The following FAM169A variants were observed in gnomAD, a reference collection of about 807,000 sequenced individuals.
FAM169A encodes soluble lamin-associated protein of 75 kDa.
In FAM169A, 24 loss-of-function variants were observed where a neutral mutation model predicts 75.7. That is an observed-to-expected ratio of 0.32 (90% confidence interval 0.23 to 0.45). The LOEUF is 0.45. Ranked by LOEUF, FAM169A falls within the 20% of genes least tolerant of loss-of-function variation. The pLI is 1.00. For synonymous variants in FAM169A, 271 were observed against 271.0 expected, an observed-to-expected ratio of 1.00 and a Z score of 0.00; for missense variants, 673 against 784.0, an observed-to-expected ratio of 0.86 and a Z score of 1.69.
chr5:74,846,809 C>T (rs768352631), intron 1 of FAM169A, among the ~76,000 whole-genome samples: 1 of 152,096 alleles, frequency 6.6e-6, no homozygotes, highest in African/African-American at 2.4e-5. Flanking sequence ...GCAATCCTTC[C>T]GTCTCAGCCT....
chr5:74,809,312 C>T (rs1342254764), intron 6 of FAM169A, among the ~76,000 whole-genome samples: 1 of 152,012 alleles, frequency 6.6e-6, no homozygotes, highest in Non-Finnish European at 1.5e-5. Context: ...ACTCATAACT[C>T]GGCCAGGTGT....
intron 11 of FAM169A, among the ~76,000 whole-genome samples, chr5:74,787,622 G>A (rs567251636): frequency 7.2e-5 from 11 of 152,292 alleles, no homozygotes; most frequent in African/African-American, 2.2e-4. Context: ...AATTTAGAAC[G>A]GGAATAATTG....
chr5:74,798,836 A>T lies in FAM169A; in HGVS notation c.1103+2044T>A, dbSNP rs923108244. 3.3e-5 allele frequency among the ~76,000 whole-genome samples: 5 copies of T among 152,338 alleles called. No homozygotes were observed. In the East Asian group the frequency reaches 9.6e-4, roughly 29 times the overall value. On this transcript the variant is annotated intron_variant, in intron 10 of 12. Transcript: ENST00000687041. The stretch of plus-strand genomic sequence containing the variant: ...TGGTTATCACTAATTTATATCCAAT[A>T]GCCCAGTAAAATGAATCAATAAAGT...
chr5:74,816,891 A>C (rs183614927), intron 5 of FAM169A, among the ~76,000 whole-genome samples: 7 of 152,290 alleles, frequency 4.6e-5, no homozygotes, highest in Non-Finnish European at 1.5e-5. Flanking sequence ...ATGACTACTA[A>C]TGTCTATCTT....
chr5:74,863,084 T>TA (rs922221427), intron 1 of FAM169A, among the ~76,000 whole-genome samples: 1 of 150,482 alleles, frequency 6.6e-6, no homozygotes, highest in African/African-American at 2.4e-5. Flanking sequence ...CTTTCTAGCC[T>TA]AAAAAATAGG....
intron 5 of FAM169A, among the ~76,000 whole-genome samples, chr5:74,830,188 G>A (rs1339470254): frequency 6.6e-6 from 1 of 152,122 alleles, no homozygotes; most frequent in Non-Finnish European, 1.5e-5. Context: ...CATAAAAAGA[G>A]AGGAAAGAGA....
rs1177537006 is a variant in FAM169A, at chr5:74,781,729, T to C, written c.1744A>G (p.Thr582Ala). ...GEEGVSEPQE[T>A]STALPQSSLI... ...GAACTCTGAGGAAGAGCAGTAGATGTTTCCTGGGGCTCAGATACCCCCTCC... is the reference window on the plus strand; with the variant it reads ...GAACTCTGAGGAAGAGCAGTAGATGCTTCCTGGGGCTCAGATACCCCCTCC... The change falls in exon 13 of 13, where the codon ACA becomes GCA. Residue 582 changes from threonine to alanine, a missense_variant. Coordinates refer to ENST00000687041, the MANE Select transcript of FAM169A (RefSeq NM_001376049.1). 1 of 1,614,140 alleles carries C rather than the reference T, an allele frequency of 6.2e-7. No individual in the cohort carries two copies. Among genetic ancestry groups the C allele is most frequent in the Admixed American group, 1.7e-5 (1 of 60,014 alleles).
chr5:74,836,916 C>T (rs1032455427), intron 4 of FAM169A, among the ~76,000 whole-genome samples: 50 of 150,764 alleles, frequency 3.3e-4, no homozygotes, highest in African/African-American at 1.1e-3. Flanking sequence ...CCACTGCACT[C>T]CAGCCTGGGC....
rs980023168 is a variant in FAM169A, at chr5:74,814,124, T to G, written c.491-105A>C. 60 of 750,210 alleles carry G rather than the reference T, an allele frequency of 8.0e-5. No homozygotes were observed. In the Middle Eastern group the frequency reaches 2.0e-3, roughly 25 times the overall value. 46.5% of individuals were successfully genotyped at this position (750,210 alleles called of 1,614,324 possible). ...TTTCTAAAAAAAGTTTTCTTCTATATCAAAAAACGTTAAATATATAAATGT... is the reference window on the plus strand; with the variant it reads ...TTTCTAAAAAAAGTTTTCTTCTATAGCAAAAAACGTTAAATATATAAATGT... On this transcript the variant is annotated intron_variant, in intron 5 of 12. Transcript: ENST00000687041.
chr5:74,792,756 C>T (rs1746045090), intron 11 of FAM169A, among the ~76,000 whole-genome samples: 1 of 152,110 alleles, frequency 6.6e-6, no homozygotes, highest in African/African-American at 2.4e-5. Flanking sequence ...AAAATAGATG[C>T]TGGAGTGGAT....
intron 12 of FAM169A, among the ~76,000 whole-genome samples, chr5:74,782,328 A>G (rs1192186699): frequency 1.3e-5 from 2 of 152,142 alleles, no homozygotes; most frequent in African/African-American, 4.8e-5. Context: ...CAGTTTTTTT[A>G]GTTTCCTGGT....
At chr5:74,860,770 C>T (rs1320047255) in intron 1 of FAM169A, among the ~76,000 whole-genome samples, 1 of 150,886 alleles carries the variant, frequency 6.6e-6, no homozygotes, top group African/African-American at 2.5e-5. Flanking sequence ...CAGCAACTGA[C>T]CCCTCTCCTC....
chr5:74,810,591 T>C lies in FAM169A; in HGVS notation c.670+3249A>G, dbSNP rs564463378. On this transcript the variant is annotated intron_variant, in intron 6 of 12. Coordinates refer to ENST00000687041, the MANE Select transcript of FAM169A (RefSeq NM_001376049.1). ...AGTGAAACCCTGTCTCTACTAAAAA[T>C]ACAAAAAAATTAGCCAGGCGTGGTG... Among the ~76,000 whole-genome samples, 3 of 151,234 alleles carry C rather than the reference T, an allele frequency of 2.0e-5. No individual in the cohort carries two copies. The South Asian group carries it at 6.2e-4, about 31-fold the overall frequency.
chr5:74,804,272 T>G (rs1052035173), intron 8 of FAM169A, among the ~76,000 whole-genome samples: 28 of 152,242 alleles, frequency 1.8e-4, no homozygotes, highest in African/African-American at 6.7e-4. Flanking sequence ...TAAATTACCC[T>G]TAAATTAGCT....
intron 5 of FAM169A, among the ~76,000 whole-genome samples, chr5:74,828,325 T>G (rs1748138194): frequency 6.6e-6 from 1 of 152,216 alleles, no homozygotes; most frequent in African/African-American, 2.4e-5. Context: ...CAAAACTATT[T>G]AGAGGCCTCT....
intron 6 of FAM169A, among the ~76,000 whole-genome samples, chr5:74,811,948 T>C (rs991767023): frequency 2.0e-5 from 3 of 152,152 alleles, no homozygotes. Flanking sequence ...GTATTACAAG[T>C]CTAAGAAATG....
intron 5 of FAM169A, among the ~76,000 whole-genome samples, chr5:74,814,934 T>G (rs943321006): frequency 1.3e-5 from 2 of 152,182 alleles, no homozygotes; most frequent in African/African-American, 4.8e-5. Context: ...TCATATGATT[T>G]TGGATAACTC....
chr5:74,839,486 C>A (rs1748743872), intron 3 of FAM169A, among the ~76,000 whole-genome samples: 1 of 151,920 alleles, frequency 6.6e-6, no homozygotes, highest in African/African-American at 2.4e-5. Context: ...TTCCTGGTGG[C>A]CTCCCCAGCC....
intron 6 of FAM169A, among the ~76,000 whole-genome samples, chr5:74,811,246 A>G (rs961357191): frequency 3.3e-5 from 5 of 152,102 alleles, no homozygotes; most frequent in Non-Finnish European, 7.4e-5. Flanking sequence ...GGCCTTCCAA[A>G]GTGCTAAGGC....
Sources: gnomAD v4.1 joint callset for allele counts (sites outside exome capture counted in the v4.1 genomes callset) on GRCh38, gnomAD v4.1.1 for gene constraint, MANE v1.5 for transcripts, NCBI Gene and HGNC (gene_info 2026-07-23, HGNC 2026-07-21) for gene names.